STK3: variants seen among roughly 807,000 people sequenced by gnomAD.
STK3 encodes the protein serine/threonine-protein kinase 3.
A neutral mutation model predicts 58.0 loss-of-function variants in STK3; 41 were observed. That is an observed-to-expected ratio of 0.71 (90% CI 0.55 to 0.92). STK3 has a LOEUF of 0.92. Among genes scored for constraint, STK3 ranks in the 40% least tolerant of loss-of-function variants. STK3 has a pLI of 0.00. For synonymous variants in STK3, 170 were observed against 191.0 expected, an observed-to-expected ratio of 0.89 and a Z score of 0.91; for missense variants, 479 against 602.7, an observed-to-expected ratio of 0.79 and a Z score of 2.15.
At chr8:98,415,462 A>G (rs1240988405) in intron 3 of STK3, among the ~76,000 whole-genome samples, 3 of 152,204 alleles carry the variant, frequency 2.0e-5, no homozygotes, top group Admixed American at 6.5e-5. Flanking sequence ...CATCACACAG[A>G]AAACCTTCTT....
At chr8:98,370,721 T>G (rs1458601167), downstream of STK3, among the ~76,000 whole-genome samples, 1 of 152,172 alleles carries the variant, frequency 6.6e-6, no homozygotes, top group Non-Finnish European at 1.5e-5. Flanking sequence ...TCCCTTTGCA[T>G]AAGGTTCAGA....
chr8:98,662,268 T>C (rs1358867755), intron 6 of STK3, among the ~76,000 whole-genome samples: 1 of 152,096 alleles, frequency 6.6e-6, no homozygotes, highest in Non-Finnish European at 1.5e-5. Flanking sequence ...AATAAGTAAA[T>C]CGATATACTA....
At chr8:98,477,729 G>GGGGGGGGGT (rs1563643045) in intron 10 of STK3, among the ~76,000 whole-genome samples, 1 of 108,006 alleles carries the variant, frequency 9.3e-6, no homozygotes, top group African/African-American at 3.7e-5. Flanking sequence ...GGCGGGGGGG[G>GGGGGGGGGT]GCCCTAATGA....
Position 98,681,266 on chromosome 8 carries a change from G to A in STK3, c.684+25201C>T, listed in dbSNP as rs547170602. ...ACCACCTCGACCTCCCAAAGTGCTG[G>A]GATTACAGGCGTGAGCCACTGCACC... On this transcript the variant is annotated intron_variant, in intron 6 of 10. Transcript: ENST00000419617. Among the ~76,000 whole-genome samples the A allele has an allele frequency of 2.6e-5, 4 of 151,716 alleles. No individual in the cohort carries two copies. In the South Asian group the frequency reaches 6.3e-4, roughly 24 times the overall value.
At chr8:98,532,405 C>T (rs1049114544) in intron 9 of STK3, among the ~76,000 whole-genome samples, 14 of 152,090 alleles carry the variant, frequency 9.2e-5, no homozygotes, top group East Asian at 3.9e-4. Flanking sequence ...CTTATATAGG[C>T]GCAGTTTGTT....
At chr8:98,496,872 T>A (rs1335949587) in intron 10 of STK3, among the ~76,000 whole-genome samples, 1 of 152,122 alleles carries the variant, frequency 6.6e-6, no homozygotes, top group East Asian at 1.9e-4. Flanking sequence ...GATGAAAAAG[T>A]TCTGGAGATC....
chr8:98,815,081 G>A (rs1302401359), intron 1 of STK3, among the ~76,000 whole-genome samples: 1 of 152,122 alleles, frequency 6.6e-6, no homozygotes, highest in African/African-American at 2.4e-5. Flanking sequence ...ATATTTAGTG[G>A]TGAGAAAAAA....
At chr8:98,540,772 G>C (rs1260827871) in intron 9 of STK3, among the ~76,000 whole-genome samples, 2 of 151,852 alleles carry the variant, frequency 1.3e-5, no homozygotes, top group African/African-American at 4.8e-5. Context: ...TTCTGGGTAA[G>C]TGCACTCTTT....
At chr8:98,586,073 T>A (rs905214176) in intron 7 of STK3, among the ~76,000 whole-genome samples, 2 of 152,162 alleles carry the variant, frequency 1.3e-5, no homozygotes, top group Non-Finnish European at 2.9e-5. Context: ...CTTTTTCTAA[T>A]TGAATACCCT....
chr8:98,438,111 T>C (rs1320401646), intron 1 of STK3: 2 of 152,238 alleles, frequency 1.3e-5, no homozygotes, highest in Non-Finnish European at 2.9e-5. Context: ...AGTTTAAATA[T>C]ATTGCTATGT....
In STK3 at chr8:98,667,466, T is replaced by C. The variant is rs377050632; in HGVS notation, c.684+39001A>G. Reference sequence around the variant, plus strand: ...CTTTCTAACTGATACTACTATAAATTTGACAATATTTTATAACAAGAAAAG... The same window carrying C: ...CTTTCTAACTGATACTACTATAAATCTGACAATATTTTATAACAAGAAAAG... On this transcript the variant is annotated intron_variant, in intron 6 of 10. Transcript: ENST00000419617. Among the ~76,000 whole-genome samples, 6 of 152,268 alleles carry C rather than the reference T, an allele frequency of 3.9e-5. No homozygotes were observed. In the South Asian group the frequency reaches 1.0e-3, roughly 26 times the overall value.
intron 1 of STK3, among the ~76,000 whole-genome samples, chr8:98,939,021 C>T (rs945899196): frequency 2.0e-5 from 3 of 152,314 alleles, no homozygotes; most frequent in African/African-American, 4.8e-5. Flanking sequence ...TCCCCACCAT[C>T]TTATGCCGAC....
intron 3 of STK3, among the ~76,000 whole-genome samples, chr8:98,836,378 C>T (rs144362709): frequency 0.011 from 1,659 of 152,288 alleles, 28 homozygotes; most frequent in African/African-American, 0.037. Flanking sequence ...TTCCTCAGAC[C>T]TCTTTTGTAA....
chr8:98,767,401 C>T (rs746714002), intron 2 of STK3, 30 bp from the exon 3 acceptor site: 4 of 1,555,218 alleles, frequency 2.6e-6, no homozygotes, highest in Non-Finnish European at 3.5e-6. Flanking sequence ...TATTTTTTTC[C>T]TATCAAACAT....
the STK3 span, among the ~76,000 whole-genome samples, chr8:98,346,404 T>A: frequency 6.6e-6 from 1 of 151,776 alleles, no homozygotes; most frequent in Non-Finnish European, 1.5e-5. Context: ...AAAAAATATT[T>A]GAGGAAATAA....
chr8:98,858,319 T>TAG (rs1244395276), intron 3 of STK3, among the ~76,000 whole-genome samples: 453 of 39,840 alleles, frequency 0.011, 5 homozygotes, highest in African/African-American at 0.014. Context: ...TATATATATA[T>TAG]ATATAGAGAG....
chr8:98,855,616 T>C (rs1836638373), intron 3 of STK3, among the ~76,000 whole-genome samples: 1 of 152,170 alleles, frequency 6.6e-6, no homozygotes, highest in African/African-American at 2.4e-5. Context: ...GCTTCTTAGA[T>C]ATGATAACAA....
intron 10 of STK3, among the ~76,000 whole-genome samples, chr8:98,472,915 T>C (rs1248735837): frequency 6.6e-6 from 1 of 152,132 alleles, no homozygotes; most frequent in Non-Finnish European, 1.5e-5. Flanking sequence ...GTATGGATCA[T>C]AAAATCCAGA....
chr8:98,846,828 C>T lies in STK3; in HGVS notation c.110+36819G>A, dbSNP rs570481823. On this transcript the variant is annotated intron_variant, in intron 3 of 12. Coordinates refer to the STK3 transcript ENST00000523601. ...AAACCACAAAGATAGAGTTGATGTC[C>T]GTTTCATTCCTAAACTATTCAGGAT... 1.1e-4 allele frequency among the ~76,000 whole-genome samples: 16 copies of T among 150,352 alleles called. No individual in the cohort carries two copies. The South Asian group carries it at 2.1e-3, about 20-fold the overall frequency.
Sources: allele counts gnomAD v4.1 joint callset (sites outside exome capture counted in the v4.1 genomes callset), GRCh38; gene constraint gnomAD v4.1.1; transcripts MANE v1.5; gene names NCBI Gene and HGNC (gene_info 2026-07-23, HGNC 2026-07-21).